GBA1: variants seen among roughly 807,000 people sequenced by gnomAD.
The protein encoded by GBA1 is lysosomal acid glucosylceramidase.
the GBA1 span, chr1:155,240,165 A>C: frequency 1.5e-6 from 2 of 1,306,822 alleles, no homozygotes; most frequent in African/African-American, 2.9e-5. Flanking sequence ...ACACGGTTTC[A>C]AAATTCCTCA....
the GBA1 span, chr1:155,241,270 T>C: frequency 4.2e-6 from 3 of 710,838 alleles, no homozygotes; most frequent in Non-Finnish European, 7.7e-6. Flanking sequence ...TGTGGATGGG[T>C]CATGTGATGA....
chr1:155,239,994 G>A, the GBA1 span: 1 of 1,614,094 alleles, frequency 6.2e-7, no homozygotes, highest in Non-Finnish European at 8.5e-7. Context: ...AAGGTCGGGG[G>A]GTCAAAGGAG....
At chr1:155,240,276 C>A in the GBA1 span, 15 of 612,898 alleles carry the variant, frequency 2.4e-5, no homozygotes, top group Non-Finnish European at 3.5e-5. Flanking sequence ...CCTGCCTTGC[C>A]AGCATGGTGA....
chr1:155,241,325 A>G, the GBA1 span: 11 of 628,490 alleles, frequency 1.8e-5, no homozygotes, highest in Non-Finnish European at 2.9e-5. Flanking sequence ...TCACAGCCAT[A>G]TTTCTAAAGG....
chr1:155,235,644 G>A, the GBA1 span: 7 of 1,550,772 alleles, frequency 4.5e-6, no homozygotes, highest in African/African-American at 6.8e-5. Context: ...GAGATGATAG[G>A]CCTGGTATGG....
the GBA1 span, chr1:155,240,048 C>T: frequency 1.1e-5 from 17 of 1,613,606 alleles, no homozygotes; most frequent in South Asian, 2.2e-5. Flanking sequence ...GAGCTGTAGC[C>T]GAAGCTTTTA....
At chr1:155,240,832 T>C in the GBA1 span, 2 of 966,706 alleles carry the variant, frequency 2.1e-6, no homozygotes, top group Non-Finnish European at 3.4e-6. Flanking sequence ...CCACATTCAT[T>C]AGGACAAGGC....
At chr1:155,235,830 A>G in the GBA1 span, 3 of 1,614,218 alleles carry the variant, frequency 1.9e-6, no homozygotes, top group Non-Finnish European at 8.5e-7. Flanking sequence ...AGCCGACCAC[A>G]TGGTACAGGA....
At chr1:155,238,646 G>A in the GBA1 span, 116 of 1,613,572 alleles carry the variant, frequency 7.2e-5, 1 homozygote, top group South Asian at 1.6e-4. Flanking sequence ...TGTTATATCC[G>A]ATTCCTACAG....
At chr1:155,239,817 T>C in the GBA1 span, 1 of 1,614,010 alleles carries the variant, frequency 6.2e-7, no homozygotes, top group Non-Finnish European at 8.5e-7. Context: ...AACTCCATGG[T>C]GATCACTGAC....
the GBA1 span, chr1:155,236,493 C>G: frequency 8.9e-6 from 14 of 1,573,472 alleles, no homozygotes; most frequent in South Asian, 1.4e-4. Flanking sequence ...GCAACTGATC[C>G]TGGACCTTGC....
the GBA1 span, among the ~76,000 whole-genome samples, chr1:155,237,779 A>G: frequency 1.3e-5 from 2 of 152,062 alleles, no homozygotes; most frequent in South Asian, 4.1e-4. Context: ...GCAGGCGCCT[A>G]TAATCCCAGC....
the GBA1 span, among the ~76,000 whole-genome samples, chr1:155,241,687 T>C: frequency 2.6e-5 from 4 of 152,164 alleles, no homozygotes; most frequent in East Asian, 1.9e-4. Context: ...CAGGTGTGCA[T>C]GGAGAGCTCT....
chr1:155,239,744 T>C, the GBA1 span: 3 of 1,613,974 alleles, frequency 1.9e-6, no homozygotes, highest in Non-Finnish European at 2.5e-6. Context: ...CTGTTCTGGC[T>C]GCAGGGTCAG....
At chr1:155,241,318 C>G in the GBA1 span, 1 of 633,536 alleles carries the variant, frequency 1.6e-6, no homozygotes, top group Non-Finnish European at 2.9e-6. Flanking sequence ...GAGGCAATCA[C>G]AGCCATATTT....
the GBA1 span, chr1:155,239,863 G>C: frequency 1.9e-6 from 3 of 1,614,086 alleles, no homozygotes; most frequent in Non-Finnish European, 1.7e-6. Flanking sequence ...CCTGGCCCAG[G>C]GGGTGAGGGG....
the GBA1 span, chr1:155,237,723 G>A: frequency 3.4e-5 from 52 of 1,513,518 alleles, no homozygotes; most frequent in Non-Finnish European, 4.3e-5. Context: ...ACAGCCTGGC[G>A]AAACCCCGTC....
chr1:155,236,269 C>T, the GBA1 span: 235 of 1,614,128 alleles, frequency 1.5e-4, no homozygotes, highest in African/African-American at 2.8e-3. Flanking sequence ...GGCTGTACTG[C>T]ATCCCTCGAT....
the GBA1 span, chr1:155,240,030 ACAC>A: frequency 6.2e-7 from 1 of 1,613,938 alleles, no homozygotes; most frequent in Non-Finnish European, 8.5e-7. Context: ...TTGCAGACAC[ACAC>A]CACCGAGCTG....
Sources: gnomAD v4.1 joint callset for allele counts (sites outside exome capture counted in the v4.1 genomes callset) on GRCh38, gnomAD v4.1.1 for gene constraint, MANE v1.5 for transcripts, NCBI Gene and HGNC (gene_info 2026-07-23, HGNC 2026-07-21) for gene names.